Variants in TRIM39 observed in about 807,000 individuals in gnomAD.
The protein encoded by TRIM39 is E3 ubiquitin-protein ligase TRIM39.
Under a neutral mutation model 53.6 loss-of-function variants are expected in TRIM39, and 5 were observed. The ratio of observed to expected loss-of-function variants is 0.09; its 90% CI spans 0.05 to 0.20. The LOEUF (loss-of-function observed/expected upper bound fraction) is 0.20. Ranked by LOEUF, TRIM39 falls within the 10% of genes least tolerant of loss-of-function variation. The pLI, the probability that TRIM39 is intolerant of heterozygous loss-of-function variation, is 1.00. For synonymous variants in TRIM39, 196 were observed against 237.6 expected (o/e 0.82, Z 1.61); for missense variants, 310 against 621.0 (o/e 0.50, Z 5.32).
At chr6:30,340,044 C>T in intron 6 of TRIM39, 114 bp downstream of exon 6, 1 of 1,507,984 alleles carries the variant, frequency 6.6e-7, no homozygotes, top group Non-Finnish European at 9.1e-7. Flanking sequence ...TGTGTCTGGG[C>T]AGGGTATGGG....
At chr6:30,336,014 G>A (rs1786808878) in intron 5 of TRIM39, 39 bp downstream of exon 5, 1 of 1,610,628 alleles carries the variant, frequency 6.2e-7, no homozygotes, top group African/African-American at 1.3e-5. Context: ...CAGGCTGAGT[G>A]CAGCGTAGCT....
chr6:30,333,775 TCC>T (rs1786513033), intron 4 of TRIM39, among the ~76,000 whole-genome samples: 1 of 152,142 alleles, frequency 6.6e-6, no homozygotes, highest in African/African-American at 2.4e-5. Context: ...GTCAGGAACT[TCC>T]CCAACCATGG....
At chr6:30,331,017 C>T in intron 4 of TRIM39, 141 bp downstream of exon 4, 1 of 1,023,998 alleles carries the variant, frequency 9.8e-7, no homozygotes, top group Non-Finnish European at 1.4e-6. Flanking sequence ...CACCTGTAAT[C>T]CCAGCAATTC....
rs1420086144 is a variant in TRIM39, at chr6:30,335,186, A to G, written c.550-559A>G. ...CCGCAGTGGTCTTCACTACCAAGTC[A>G]TCAGTAGGGGGGTGATAGTGATGGA... On this transcript the variant is annotated intron_variant, in intron 4 of 7. Coordinates refer to ENST00000396551, the Ensembl canonical transcript of TRIM39. The surrounding 1 kb of genome is among the most constrained non-coding windows in gnomAD (Gnocchi z 4.7). Among the ~76,000 whole-genome samples the G allele has an allele frequency of 6.6e-6, 1 of 152,250 alleles. No individual in the cohort carries two copies. Among genetic ancestry groups the G allele is most frequent in the Non-Finnish European group, 1.5e-5 (1 of 68,050 alleles).
chr6:30,337,598 G>A (rs746154784), intron 5 of TRIM39, among the ~76,000 whole-genome samples: 2 of 152,156 alleles, frequency 1.3e-5, no homozygotes, highest in Non-Finnish European at 2.9e-5. Flanking sequence ...CTGTATACAG[G>A]TGTACTGTCA....
chr6:30,333,385 T>C (rs1251067396), intron 4 of TRIM39, among the ~76,000 whole-genome samples: 1 of 133,170 alleles, frequency 7.5e-6, no homozygotes, highest in Non-Finnish European at 1.6e-5. Context: ...TGAGACGGCG[T>C]CTCGCTCTGT....
chr6:30,332,801 G>A (rs1344739296), intron 4 of TRIM39, among the ~76,000 whole-genome samples: 1 of 151,988 alleles, frequency 6.6e-6, no homozygotes, highest in Non-Finnish European at 1.5e-5. Context: ...TCATTTCAGT[G>A]GTCTCCAAAA....
chr6:30,328,031 C>G (rs1230211372), intron 1 of TRIM39, among the ~76,000 whole-genome samples: 1 of 152,224 alleles, frequency 6.6e-6, no homozygotes, highest in African/African-American at 2.4e-5. Flanking sequence ...GTTAAATCAA[C>G]TTACCCATGG....
Position 30,330,881 on chromosome 6 carries a change from AG to A in TRIM39, c.549+7del. The A allele has an allele frequency of 2.5e-6, 4 of 1,613,950 alleles. No homozygotes were observed. The highest frequency in any genetic ancestry group is 8.5e-7 in the Non-Finnish European group (1 of 1,179,950). On this transcript the variant is annotated splice_donor_region_variant and intron_variant, in intron 4 of 7. Coordinates refer to ENST00000396551, the Ensembl canonical transcript of TRIM39. The stretch of plus-strand genomic sequence containing the variant: ...AAGAAGCCTGGTGAGCTCAAGGTAA[AG>A]GCAGGCAATCCCATGTAGGCTGCTC...
At position 30,338,683 on chromosome 6, in the gene TRIM39, G is replaced by A. The variant is rs1787145678; in HGVS notation, c.781-1225G>A. On this transcript the variant is annotated intron_variant, in intron 5 of 7. Coordinates refer to ENST00000396551, the Ensembl canonical transcript of TRIM39. The surrounding 1 kb of genome is among the most constrained non-coding windows in gnomAD (Gnocchi z 4.0). The stretch of plus-strand genomic sequence containing the variant: ...AGACATGAAGTGAACACATGCTGTT[G>A]GAAAACATGGTGCCAGTAGACTTGC... Among the ~76,000 whole-genome samples the A allele has an allele frequency of 6.6e-6, 1 of 151,218 alleles. No individual in the cohort carries two copies. The highest frequency in any genetic ancestry group is 2.4e-5 in the African/African-American group (1 of 41,066).
rs537074375 is a variant in TRIM39, at chr6:30,339,251, C to T, written c.781-657C>T. Among the ~76,000 whole-genome samples the T allele has an allele frequency of 2.6e-5, 4 of 151,816 alleles. No individual in the cohort carries two copies. Among genetic ancestry groups the T allele is most frequent in the African/African-American group, 4.8e-5 (2 of 41,254 alleles). ...GCAACCTTTGCCTCCTGTGTTCAAG[C>T]GATTCTCCTGCCTCAGCCTCCTGAG... On this transcript the variant is annotated intron_variant, in intron 5 of 7. Transcript: ENST00000396551. This position sits in a 1 kb window ranked among gnomAD's most constrained non-coding sequence, Gnocchi z 4.2.
chr6:30,343,174 A>ATG (rs1413560286), exon 8 of TRIM39: 17 of 152,662 alleles, frequency 1.1e-4, no homozygotes, highest in Admixed American at 6.5e-4. Flanking sequence ...GCCTTAAAGA[A>ATG]TGTTACTTAG....
rs1436891008 is a variant in TRIM39, at chr6:30,340,423, A to ATTTT, written c.804-82_804-81insTTTT. The stretch of plus-strand genomic sequence containing the variant: ...TGGAGAATTTTAATTTCTCCCTAAA[A>ATTTT]ATGTTAACATCTGAATAGTCACTTG... On this transcript the variant is annotated intron_variant, in intron 6 of 7. Transcript: ENST00000396551. The ATTTT allele has an allele frequency of 1.9e-6, 3 of 1,610,224 alleles. No individual in the cohort carries two copies. The Admixed American group carries it at 5.0e-5, about 27-fold the overall frequency.
chr6:30,342,346 C>A lies in TRIM39; in HGVS notation c.*87C>A. The A allele has an allele frequency of 7.2e-7, 1 of 1,382,874 alleles. No homozygotes were observed. Among genetic ancestry groups the A allele is most frequent in the Non-Finnish European group, 1.0e-6 (1 of 994,258 alleles). 85.7% of individuals were successfully genotyped at this position (1,382,874 alleles called of 1,614,324 possible). ...GTGTCCTGCTGGAACGTCTTCGTGTCCACCTGGGTCCAGTCCTGAATCATC... is the reference window on the plus strand; with the variant it reads ...GTGTCCTGCTGGAACGTCTTCGTGTACACCTGGGTCCAGTCCTGAATCATC... On this transcript the variant is annotated 3_prime_UTR_variant, in exon 8 of 8. Coordinates refer to ENST00000396551, the Ensembl canonical transcript of TRIM39. This position sits in a 1 kb window ranked among gnomAD's most constrained non-coding sequence, Gnocchi z 4.7.
At chr6:30,331,758 C>T (rs972717361) in intron 4 of TRIM39, among the ~76,000 whole-genome samples, 1 of 152,168 alleles carries the variant, frequency 6.6e-6, no homozygotes, top group South Asian at 2.1e-4. Flanking sequence ...CTTTCCTGAC[C>T]CTTCAGAAAT....
chr6:30,343,681 A>G (rs1295343561), exon 8 of TRIM39: 3 of 152,634 alleles, frequency 2.0e-5, no homozygotes, highest in Non-Finnish European at 4.4e-5. Context: ...TTGTGGCAAG[A>G]TACTTTGGTT....
chr6:30,340,035 G>A, intron 6 of TRIM39, 105 bp downstream of exon 6: 2 of 1,551,666 alleles, frequency 1.3e-6, no homozygotes, highest in East Asian at 4.5e-5. Context: ...GTCATGTAGT[G>A]TGTCTGGGCA....
intron 7 of TRIM39, 48 bp downstream of exon 7, chr6:30,340,668 A>G: frequency 6.3e-7 from 1 of 1,579,506 alleles, no homozygotes; most frequent in Non-Finnish European, 8.6e-7. Flanking sequence ...AGAGAGAAGA[A>G]AGTTTTTAGG....
At chr6:30,333,226 A>G (rs1786410055) in intron 4 of TRIM39, among the ~76,000 whole-genome samples, 1 of 152,194 alleles carries the variant, frequency 6.6e-6, no homozygotes, top group Non-Finnish European at 1.5e-5. Flanking sequence ...AAGTATAACA[A>G]TATAATCTTG....
Sources: gnomAD v4.1 joint callset for allele counts (sites outside exome capture counted in the v4.1 genomes callset) on GRCh38, gnomAD v4.1.1 for gene constraint, Gnocchi (gnomAD v3.1) non-coding constraint, MANE v1.5 for transcripts, NCBI Gene and HGNC (gene_info 2026-07-23, HGNC 2026-07-21) for gene names.